Variants in KHDRBS2 observed in about 807,000 individuals in gnomAD.
The protein encoded by KHDRBS2 is KH domain-containing, RNA-binding, signal transduction-associated protein 2.
A neutral mutation model predicts 44.3 loss-of-function variants in KHDRBS2; 26 were observed. The ratio of observed to expected loss-of-function variants is 0.59; its 90% CI spans 0.43 to 0.81. The LOEUF (loss-of-function observed/expected upper bound fraction) is 0.81. KHDRBS2 is among the 40% of genes least tolerant of loss of function. KHDRBS2 has a pLI of 0.00. For missense variants in KHDRBS2, 476 were observed against 433.1 expected, an observed-to-expected ratio of 1.10 and a Z score of -0.88; for synonymous variants, 194 against 151.1, an observed-to-expected ratio of 1.28 and a Z score of -2.08.
the KHDRBS2 span, among the ~76,000 whole-genome samples, chr6:61,573,960 T>C: frequency 6.6e-6 from 1 of 151,778 alleles, no homozygotes; most frequent in Non-Finnish European, 1.5e-5. Flanking sequence ...TGGAACACAA[T>C]AGAGAAGCCA....
intron 6 of KHDRBS2, among the ~76,000 whole-genome samples, chr6:61,797,337 A>C (rs1562201348): frequency 6.6e-6 from 1 of 152,086 alleles, no homozygotes; most frequent in Admixed American, 6.6e-5. Context: ...ATTAATTTTC[A>C]TCACAAGCCA....
At chr6:62,023,651 A>C (rs995346162) in intron 3 of KHDRBS2, among the ~76,000 whole-genome samples, 2 of 151,570 alleles carry the variant, frequency 1.3e-5, no homozygotes, top group African/African-American at 2.4e-5. Context: ...ATTAATTACT[A>C]ATATAAAAAA....
chr6:62,267,815 T>C (rs559962566), intron 1 of KHDRBS2, among the ~76,000 whole-genome samples: 123 of 152,184 alleles, frequency 8.1e-4, no homozygotes, highest in African/African-American at 2.7e-3. Context: ...CAACTACTAC[T>C]TAATATCAAA....
the KHDRBS2 span, among the ~76,000 whole-genome samples, chr6:61,556,872 ATTTTTTTTTTTTTTTTTTTTT>A: frequency 1.1e-5 from 1 of 87,456 alleles, no homozygotes; most frequent in Non-Finnish European, 2.2e-5. Context: ...TGAAATTGAG[ATTTTTTTTTTTTTTTTTTTTT>A]TTTTTTTTTG....
At chr6:61,696,973 G>T (rs1285196410) in intron 8 of KHDRBS2, among the ~76,000 whole-genome samples, 2 of 152,100 alleles carry the variant, frequency 1.3e-5, no homozygotes, top group East Asian at 3.9e-4. Context: ...TGTTGAAAAT[G>T]ATTTATGATT....
chr6:61,559,964 T>A, the KHDRBS2 span, among the ~76,000 whole-genome samples: 1 of 152,184 alleles, frequency 6.6e-6, no homozygotes, highest in Non-Finnish European at 1.5e-5. Flanking sequence ...TCAGACTGAA[T>A]AACTCCATTT....
intron 6 of KHDRBS2, among the ~76,000 whole-genome samples, chr6:61,791,946 G>GT (rs1254352440): frequency 6.6e-6 from 1 of 150,730 alleles, no homozygotes; most frequent in Non-Finnish European, 1.5e-5. Flanking sequence ...ATCTTATCTT[G>GT]TTTTTTTGAT....
intron 8 of KHDRBS2, among the ~76,000 whole-genome samples, chr6:61,687,786 G>A (rs1318031827): frequency 2.6e-5 from 4 of 151,768 alleles, no homozygotes; most frequent in Admixed American, 2.0e-4. Context: ...TGAACTCAAG[G>A]AAGCTTAAAA....
intron 6 of KHDRBS2, among the ~76,000 whole-genome samples, chr6:61,754,094 C>T (rs1169768354): frequency 1.3e-5 from 2 of 152,006 alleles, no homozygotes; most frequent in Admixed American, 6.6e-5. Flanking sequence ...TCCGGAACTG[C>T]GAGAGAATAG....
chr6:61,740,934 C>T (rs1331135247), intron 6 of KHDRBS2, among the ~76,000 whole-genome samples: 3 of 151,750 alleles, frequency 2.0e-5, no homozygotes, highest in African/African-American at 7.3e-5. Context: ...CCACCATTGT[C>T]CACTGAGAAG....
chr6:61,723,964 C>T (rs1176480730), intron 7 of KHDRBS2, among the ~76,000 whole-genome samples: 1 of 152,068 alleles, frequency 6.6e-6, no homozygotes, highest in Non-Finnish European at 1.5e-5. Context: ...ATGTAGAGAA[C>T]CCCAGTAAGA....
At chr6:62,255,228 C>A (rs1312266092) in intron 1 of KHDRBS2, among the ~76,000 whole-genome samples, 1 of 152,000 alleles carries the variant, frequency 6.6e-6, no homozygotes, top group Non-Finnish European at 1.5e-5. Context: ...AATGTAGCTA[C>A]TTTTTTAGGG....
At chr6:62,152,244 G>A (rs760933541) in intron 2 of KHDRBS2, among the ~76,000 whole-genome samples, 1 of 152,078 alleles carries the variant, frequency 6.6e-6, no homozygotes, top group South Asian at 2.1e-4. Context: ...GCTTGAACCC[G>A]GGAGGCAGAG....
At chr6:61,672,594 C>T in the KHDRBS2 span, among the ~76,000 whole-genome samples, 73 of 151,814 alleles carry the variant, frequency 4.8e-4, no homozygotes, top group African/African-American at 1.7e-3. Context: ...CTCTGATGGC[C>T]AGTGATGGTG....
chr6:62,033,330 G>T (rs1190264186), intron 3 of KHDRBS2, among the ~76,000 whole-genome samples: 1 of 151,876 alleles, frequency 6.6e-6, no homozygotes, highest in African/African-American at 2.4e-5. Context: ...TCCAAACCTA[G>T]AGAAAGATAT....
rs564470627 is a variant in KHDRBS2 at position 62,151,651 on chromosome 6, T to C, written c.219+25534A>G. On this transcript the variant is annotated intron_variant, in intron 2 of 8. Transcript: ENST00000281156. ...ACCTCTGAAGGAAGTGGCAGTGGCA[T>C]ACTCAACCTGTTAGGTGGTGAACTG... Among the ~76,000 whole-genome samples the C allele has an allele frequency of 1.3e-3, 191 of 152,300 alleles. 1 individual carries two copies. The highest frequency in any genetic ancestry group is 4.4e-3 in the African/African-American group (183 of 41,562).
chr6:62,078,527 A>G (rs1222013627), intron 2 of KHDRBS2, among the ~76,000 whole-genome samples: 1 of 152,008 alleles, frequency 6.6e-6, no homozygotes, highest in Admixed American at 6.6e-5. Context: ...AAAGATAAAA[A>G]TACTGATTAC....
chr6:62,177,364 A>T, intron 1 of KHDRBS2, 52 bp from the exon 2 acceptor site: 1 of 1,378,238 alleles, frequency 7.3e-7, no homozygotes, highest in Non-Finnish European at 1.0e-6. Flanking sequence ...CAATGTTATC[A>T]TAAATATGCT....
At chr6:61,670,722 C>T in the KHDRBS2 span, among the ~76,000 whole-genome samples, 4 of 151,192 alleles carry the variant, frequency 2.6e-5, no homozygotes, top group African/African-American at 9.7e-5. Context: ...GAGATGTTTG[C>T]TCATCTAGTT....
Sources: allele counts gnomAD v4.1 joint callset (sites outside exome capture counted in the v4.1 genomes callset), GRCh38; gene constraint gnomAD v4.1.1; transcripts MANE v1.5; gene names NCBI Gene and HGNC (gene_info 2026-07-23, HGNC 2026-07-21).